The following NACC1 variants were observed in gnomAD, a reference collection of about 807,000 sequenced individuals.
NACC1 encodes the protein nucleus accumbens associated 1.
Under a neutral mutation model 41.7 loss-of-function variants are expected in NACC1, and 6 were observed. The ratio of observed to expected loss-of-function variants is 0.14; its 90% confidence interval spans 0.08 to 0.28. NACC1 has a LOEUF of 0.28. NACC1 is among the 10% of genes least tolerant of loss of function. The pLI is 1.00. For missense variants in NACC1, 434 were observed against 763.7 expected (o/e 0.57, Z 5.09); for synonymous variants, 338 against 330.6 (o/e 1.02, Z -0.24).
rs747447662 is a variant in NACC1, at chr19:13,135,543, C to T, written c.336C>T (p.Ile112=). 6.2e-6 allele frequency: 10 copies of T among 1,612,452 alleles called. No individual in the cohort carries two copies. The highest frequency in any genetic ancestry group is 2.2e-5 in the East Asian group (1 of 44,830). ...CTGGCTTCCTGCAGATCCAGGAGAT[C>T]ATGGAGAAGGGCACCGAGTTCTTCC... is the stretch of plus-strand genomic sequence containing the variant. ...YTAGFLQIQE[I]MEKGTEFFLK... is the part of the protein sequence containing the mutation. The change falls in exon 2 of 6, where the codon ATC becomes ATT. Residue 112 remains isoleucine (I), a synonymous_variant. Coordinates refer to ENST00000292431, the MANE Select transcript of NACC1 (RefSeq NM_052876.4).
At position 13,135,438 on chromosome 19, in the gene NACC1, T is replaced by C. The variant is rs1232963673; in HGVS notation, c.231T>C (p.Ser77=). The C allele has an allele frequency of 1.2e-6, 2 of 1,613,000 alleles. No homozygotes were observed. The highest frequency in any genetic ancestry group is 1.7e-6 in the Non-Finnish European group (2 of 1,179,572). ...TGCCGGCGGCTGTGCAGCCCCAGTCTTTCCAGCAGATCCTCAGCTTCTGCT... is the reference window on the plus strand; with the variant it reads ...TGCCGGCGGCTGTGCAGCCCCAGTCCTTCCAGCAGATCCTCAGCTTCTGCT... ...VELPAAVQPQ[S]FQQILSFCYT... is the part of the protein sequence containing the mutation. The change falls in exon 2 of 6, where the codon TCT becomes TCC. Residue 77 remains serine (S), a synonymous_variant. Transcript: ENST00000292431.
At chr19:13,133,420 A>ATGC (rs1336773460) in intron 1 of NACC1, among the ~76,000 whole-genome samples, 1 of 150,992 alleles carries the variant, frequency 6.6e-6, no homozygotes, top group East Asian at 1.9e-4. Context: ...TTCCCTCACC[A>ATGC]CACCCCCATT....
chr19:13,126,550 G>C (rs2019565199), intron 1 of NACC1, among the ~76,000 whole-genome samples: 1 of 152,102 alleles, frequency 6.6e-6, no homozygotes. Context: ...TTCCCTAAGA[G>C]CTGACAGTTA....
intron 1 of NACC1, among the ~76,000 whole-genome samples, chr19:13,121,473 G>C (rs1382833242): frequency 2.0e-5 from 3 of 152,166 alleles, no homozygotes; most frequent in African/African-American, 7.2e-5. Context: ...AAAAAATCTG[G>C]CCTCCTGGCC....
In NACC1 at chr19:13,137,431, C is replaced by G. The variant is rs375331902; in HGVS notation, c.1227-47C>G. On this transcript the variant is annotated intron_variant, in intron 4 of 5. Transcript: ENST00000292431. This position sits in a 1 kb window ranked among gnomAD's most constrained non-coding sequence, Gnocchi z 6.1. ...GGGGTGGGGTTTCCCCATGTCCCCC[C>G]CACCACCAACTTGAGCGCTGACTCC... The G allele has an allele frequency of 1.2e-6, 2 of 1,611,430 alleles. No homozygotes were observed. The highest frequency in any genetic ancestry group is 2.2e-5 in the South Asian group (2 of 90,996).
rs184982182 is a variant in NACC1 at position 13,128,966 on chromosome 19, T to A, written c.-8-6234T>A. Among the ~76,000 whole-genome samples, 43 of 152,276 alleles carry A rather than the reference T, an allele frequency of 2.8e-4. No individual in the cohort carries two copies. In the East Asian group the frequency reaches 8.3e-3, roughly 29 times the overall value. On this transcript the variant is annotated intron_variant, in intron 1 of 5. Transcript: ENST00000292431. ...CCTCAGGGGTGCTGATATGCTGAAT[T>A]TTAAGGAGAGATGATTCTCATATGG... is the stretch of plus-strand genomic sequence containing the variant.
At chr19:13,120,511 C>T (rs992573100) in intron 1 of NACC1, among the ~76,000 whole-genome samples, 1 of 152,216 alleles carries the variant, frequency 6.6e-6, no homozygotes, top group Admixed American at 6.5e-5. Context: ...TAATTCTCCC[C>T]AGTCTCCCTA....
In NACC1 at chr19:13,138,362, A is replaced by G. The variant is rs140644046; in HGVS notation, c.1540A>G (p.Ser514Gly). 922 of 1,613,460 alleles carry G rather than the reference A, an allele frequency of 5.7e-4. 10 individuals carry two copies. Among genetic ancestry groups the G allele is most frequent in the Middle Eastern group, 4.8e-3 (29 of 6,084 alleles). Reference sequence around the variant, plus strand: ...TGTGGAGCATGGCTTCGAGACCGCCAGCCACGAGGGCGAGGCGGGTCCCTC... The same window carrying G: ...TGTGGAGCATGGCTTCGAGACCGCCGGCCACGAGGGCGAGGCGGGTCCCTC... ...MGVEHGFETA[S>G]HEGEAGPSAE... The change falls in exon 6 of 6, where the codon AGC (serine) becomes GGC (glycine). Residue 514 changes from serine to glycine, a missense_variant. Around this residue, in one of 4 missense-constraint regions of NACC1, gnomAD observed 63 missense variants for 68.4 expected, o/e 0.92. Coordinates refer to ENST00000292431, the MANE Select transcript of NACC1 (RefSeq NM_052876.4). This position sits in a 1 kb window ranked among gnomAD's most constrained non-coding sequence, Gnocchi z 5.7.
At chr19:13,124,057 T>C (rs2019532192) in intron 1 of NACC1, among the ~76,000 whole-genome samples, 8 of 152,150 alleles carry the variant, frequency 5.3e-5, no homozygotes, top group Admixed American at 5.2e-4. Context: ...GATTTAACAA[T>C]AGTCATTCAG....
intron 1 of NACC1, among the ~76,000 whole-genome samples, chr19:13,124,639 T>A (rs1376894296): frequency 6.6e-6 from 1 of 152,136 alleles, no homozygotes; most frequent in African/African-American, 2.4e-5. Context: ...GCAACCTGAG[T>A]AGCTGCCAGG....
rs768778860 is a variant in NACC1 at position 13,135,885 on chromosome 19, G to A, written c.678G>A (p.Pro226=). The change falls in exon 2 of 6, where the codon CCG becomes CCA. Residue 226 remains proline, a synonymous_variant. Transcript: ENST00000292431. ...AGCCCCCGCCACCCCAACAGGCTCC[G>A]GTGGTGGCAGCAGCCCAGCCCGCCG... ...PHQPPPPQQA[P]VVAAAQPAVA... is the part of the protein sequence containing the mutation. The A allele has an allele frequency of 1.0e-5, 16 of 1,558,544 alleles. No homozygotes were observed. Among genetic ancestry groups the A allele is most frequent in the Non-Finnish European group, 1.2e-5 (14 of 1,154,038 alleles).
At chr19:13,127,547 C>T (rs1318565520) in intron 1 of NACC1, among the ~76,000 whole-genome samples, 1 of 151,436 alleles carries the variant, frequency 6.6e-6, no homozygotes, top group Admixed American at 6.6e-5. Flanking sequence ...AAAAATTAGC[C>T]AGGCATGGTG....
intron 1 of NACC1, chr19:13,132,325 C>A (rs1483866344): frequency 2.0e-5 from 3 of 151,074 alleles, no homozygotes; most frequent in Admixed American, 6.6e-5. Context: ...CTGAGAATCA[C>A]TTGACCCTGG....
Position 13,136,080 on chromosome 19 carries a change from G to A in NACC1, c.873G>A (p.Glu291=), listed in dbSNP as rs767089335. The change falls in exon 2 of 6, where the codon GAG becomes GAA. Residue 291 remains glutamate (E), a synonymous_variant. Coordinates refer to ENST00000292431, the MANE Select transcript of NACC1 (RefSeq NM_052876.4). This position sits in a 1 kb window ranked among gnomAD's most constrained non-coding sequence, Gnocchi z 5.5. The stretch of plus-strand genomic sequence containing the variant: ...ACGAGGAGGAGGATGGTGGCGAGGA[G>A]GGCATGGATGAGCAGTACCGGCAGA... ...EEDEEEDGGE[E]GMDEQYRQIC... The A allele has an allele frequency of 1.2e-6, 2 of 1,614,000 alleles. No homozygotes were observed. Among genetic ancestry groups the A allele is most frequent in the Non-Finnish European group, 1.7e-6 (2 of 1,180,034 alleles).
intron 1 of NACC1, among the ~76,000 whole-genome samples, chr19:13,119,432 C>T (rs2019460284): frequency 6.6e-6 from 1 of 152,104 alleles, no homozygotes; most frequent in South Asian, 2.1e-4. Flanking sequence ...ACAAGGTGGC[C>T]CTTGCCCACC....
intron 1 of NACC1, among the ~76,000 whole-genome samples, chr19:13,122,864 A>C (rs971825476): frequency 9.9e-5 from 15 of 152,258 alleles, no homozygotes; most frequent in Admixed American, 9.8e-4. Flanking sequence ...GGATACGACT[A>C]ACAGCAGCTG....
chr19:13,137,514 C>T lies in NACC1; in HGVS notation c.1263C>T (p.Arg421=). ...CCAACAGCTGCGGCACCGGCATCCG[C>T]TCTTCTACCAACGATCCCCGTCGGA... ...TLANSCGTGI[R]SSTNDPRRKP... is the part of the protein sequence containing the mutation. The change falls in exon 5 of 6, where the codon CGC becomes CGT. Residue 421 remains arginine, a synonymous_variant. Transcript: ENST00000292431. This position sits in a 1 kb window ranked among gnomAD's most constrained non-coding sequence, Gnocchi z 6.1. 1 of 1,591,576 alleles carries T rather than the reference C, an allele frequency of 6.3e-7. No individual in the cohort carries two copies. The highest frequency in any genetic ancestry group is 8.6e-7 in the Non-Finnish European group (1 of 1,168,582).
chr19:13,134,147 G>A (rs1473410753), intron 1 of NACC1, among the ~76,000 whole-genome samples: 1 of 151,912 alleles, frequency 6.6e-6, no homozygotes, highest in Non-Finnish European at 1.5e-5. Flanking sequence ...CCTTGACCTG[G>A]GCTCAACAAC....
rs781188008 is a variant in NACC1 at position 13,135,699 on chromosome 19, G to A, written c.492G>A (p.Ser164=). The A allele has an allele frequency of 2.3e-5, 36 of 1,553,374 alleles. 1 individual carries two copies. The highest frequency in any genetic ancestry group is 1.5e-4 in the South Asian group (13 of 84,924). The change falls in exon 2 of 6, where the codon TCG becomes TCA. Residue 164 remains serine (S), a synonymous_variant. Transcript: ENST00000292431. ...PACSTPLPLV[S]RVKTEQQESD... is the part of the protein sequence containing the mutation. ...GTAGCACCCCGCTGCCCCTCGTGTC[G>A]CGGGTGAAGACGGAGCAGCAGGAGT...
Sources: allele counts gnomAD v4.1 joint callset (sites outside exome capture counted in the v4.1 genomes callset), GRCh38; gene constraint gnomAD v4.1.1; regional missense constraint gnomAD v4.1.1; non-coding constraint Gnocchi (gnomAD v3.1); transcripts MANE v1.5; gene names NCBI Gene and HGNC (gene_info 2026-07-23, HGNC 2026-07-21).